The following HSBP1 variants were observed in gnomAD, a reference collection of about 807,000 sequenced individuals.
HSBP1 encodes heat shock factor binding protein 1.
Under a neutral mutation model 9.6 loss-of-function variants are expected in HSBP1, and 5 were observed. The ratio of observed to expected loss-of-function variants is 0.52; its 90% CI spans 0.27 to 1.09. The LOEUF (loss-of-function observed/expected upper bound fraction) is 1.09. Among genes scored for constraint, HSBP1 ranks in the 50% least tolerant of loss-of-function variants. HSBP1 has a pLI of 0.11. For synonymous variants in HSBP1, 42 were observed against 33.3 expected (o/e 1.26, Z -0.90); for missense variants, 121 against 96.3 (o/e 1.26, Z -1.07).
In HSBP1 at chr16:83,814,504, C is replaced by G. The variant is rs142370323; in HGVS notation, c.*3086C>G. Reference sequence around the variant, plus strand: ...TGCACCGCTCACGAGCACAGCTGACCGTCTCACAGCTGCACACCTGCACTG... The same window carrying G: ...TGCACCGCTCACGAGCACAGCTGACGGTCTCACAGCTGCACACCTGCACTG... On this transcript the variant is annotated 3_prime_UTR_variant, in exon 4 of 4. Coordinates refer to ENST00000433866, the MANE Select transcript of HSBP1 (RefSeq NM_001537.4). The G allele has an allele frequency of 1.3e-5, 2 of 152,560 alleles. No homozygotes were observed. Among genetic ancestry groups the G allele is most frequent in the South Asian group, 2.1e-4 (1 of 4,834 alleles). 9.5% of individuals were successfully genotyped at this position (152,560 alleles called of 1,614,324 possible).
At chr16:83,811,369 A>G (rs1457988769) in intron 3 of HSBP1, 52 bp from the exon 4 acceptor site, 1 of 152,246 alleles carries the variant, frequency 6.6e-6, no homozygotes, top group African/African-American at 2.4e-5. Flanking sequence ...TGTCATTTTT[A>G]CTTGTGCTCA....
rs1252925740 is a variant in HSBP1 at position 83,817,831 on chromosome 16, G to C, written c.*6413G>C. 6.6e-6 allele frequency: 1 copy of C among 152,172 alleles called. No homozygotes were observed. Among genetic ancestry groups the C allele is most frequent in the Admixed American group, 6.5e-5 (1 of 15,274 alleles). The allele number at this position is 152,172 out of a possible 1,614,324, so 9.4% of individuals were successfully genotyped here. On this transcript the variant is annotated 3_prime_UTR_variant, in exon 4 of 4. Transcript: ENST00000433866. ...AGACCATTTGACTGATTCTGCTCCAGAATCTTATTGAGGCAAAGGACTGGA... is the reference window on the plus strand; with the variant it reads ...AGACCATTTGACTGATTCTGCTCCACAATCTTATTGAGGCAAAGGACTGGA...
chr16:83,810,931 CTG>C (rs776052825), intron 3 of HSBP1, among the ~76,000 whole-genome samples: 2 of 152,312 alleles, frequency 1.3e-5, no homozygotes, highest in East Asian at 1.9e-4. Flanking sequence ...TTTTAAGTCA[CTG>C]TGAAATACAG....
intron 1 of HSBP1, chr16:83,808,394 A>T (rs1262816724): frequency 3.6e-6 from 2 of 554,912 alleles, no homozygotes; most frequent in African/African-American, 2.0e-5. Context: ...CCTACCTCTG[A>T]CACCCTCCCC....
chr16:83,808,227 C>G, intron 1 of HSBP1, 106 bp downstream of exon 1: 6 of 965,938 alleles, frequency 6.2e-6, no homozygotes, highest in South Asian at 1.6e-5. Flanking sequence ...TGGCGTCTGC[C>G]GAGGCCCCGT....
In HSBP1 at chr16:83,809,372, G is replaced by A. The variant is rs770667807; in HGVS notation, c.180G>A (p.Gly60=). ...KNIADLMTQA[G]VEELESENKI... ...TCGCGGACCTCATGACACAGGCTGGGGTGGAAGAACTGGAAAGTGAAAACA... is the reference window on the plus strand; with the variant it reads ...TCGCGGACCTCATGACACAGGCTGGAGTGGAAGAACTGGAAAGTGAAAACA... The change falls in exon 3 of 4, where the codon GGG becomes GGA. Residue 60 remains glycine (G), a synonymous_variant. Coordinates refer to ENST00000433866, the MANE Select transcript of HSBP1 (RefSeq NM_001537.4). 2.2e-5 allele frequency: 36 copies of A among 1,605,998 alleles called. 1 individual carries two copies. The South Asian group carries it at 3.9e-4, about 18-fold the overall frequency.
rs2151031546 is a variant in HSBP1, at chr16:83,813,668, T to C, written c.*2250T>C. 6.6e-6 allele frequency: 1 copy of C among 152,346 alleles called. No individual in the cohort carries two copies. The highest frequency in any genetic ancestry group is 1.9e-4 in the East Asian group (1 of 5,176). The allele number at this position is 152,346 out of a possible 1,614,324, so 9.4% of individuals were successfully genotyped here. A position where few individuals can be genotyped will look rare whatever the true frequency, so the allele number is the denominator to read the frequency against. ...AGTATTCCTTCTCCAGCTATTCTTG[T>C]TCGTTTACCAGCCAGTGAAGATTCT... On this transcript the variant is annotated 3_prime_UTR_variant, in exon 4 of 4. Transcript: ENST00000433866.
Position 83,816,703 on chromosome 16 carries a change from C to T in HSBP1, c.*5285C>T, listed in dbSNP as rs1449468754. ...GATGCTGCGTCAACACCCTACCATG[C>T]ACAGGACAACCCTCACCCCAAAGAG... is the stretch of plus-strand genomic sequence containing the variant. On this transcript the variant is annotated 3_prime_UTR_variant, in exon 4 of 4. Coordinates refer to ENST00000433866, the MANE Select transcript of HSBP1 (RefSeq NM_001537.4). 1.3e-5 allele frequency: 2 copies of T among 152,172 alleles called. No homozygotes were observed. The highest frequency in any genetic ancestry group is 6.5e-5 in the Admixed American group (1 of 15,284). 9.4% of individuals were successfully genotyped at this position (152,172 alleles called of 1,614,324 possible). A position where few individuals can be genotyped will look rare whatever the true frequency, so the allele number is the denominator to read the frequency against.
rs1411772992 is a variant in HSBP1 at position 83,819,293 on chromosome 16, G to A, written c.*7875G>A. ...AAATTCCCTCATTTATTATTTTTGT[G>A]TCTTATTTCCCATACACAAAAACAC... On this transcript the variant is annotated 3_prime_UTR_variant, in exon 4 of 4. Coordinates refer to ENST00000433866, the MANE Select transcript of HSBP1 (RefSeq NM_001537.4). 6.6e-6 allele frequency: 1 copy of A among 152,092 alleles called. No individual in the cohort carries two copies. 9.4% of individuals were successfully genotyped at this position (152,092 alleles called of 1,614,324 possible). A position where few individuals can be genotyped will look rare whatever the true frequency, so the allele number is the denominator to read the frequency against.
At chr16:83,809,457 CTTTTCTTTTTTTT>C in intron 3 of HSBP1, 32 bp downstream of exon 3, 1 of 645,778 alleles carries the variant, frequency 1.5e-6, no homozygotes, top group East Asian at 3.3e-5. Flanking sequence ...TTTTTCTTTT[CTTTTCTTTTTTTT>C]TTTTTTTTTT....
At chr16:83,808,653 G>GTGTT (rs772447979) in intron 1 of HSBP1, 27 bp from the exon 2 acceptor site, 101 of 1,592,028 alleles carry the variant, frequency 6.3e-5, no homozygotes, top group East Asian at 9.0e-5. Flanking sequence ...GATGTGGACC[G>GTGTT]TGTTTGTTTG....
intron 2 of HSBP1, 48 bp from the exon 3 acceptor site, chr16:83,809,257 A>G (rs1481466437): frequency 8.3e-7 from 1 of 1,198,402 alleles, no homozygotes; most frequent in Non-Finnish European, 1.2e-6. Context: ...GGACGGGAGG[A>G]AAAAGGCTCA....
intron 3 of HSBP1, 48 bp from the exon 4 acceptor site, chr16:83,811,373 G>A (rs1567608269): frequency 6.6e-6 from 1 of 152,220 alleles, no homozygotes. Context: ...ATTTTTACTT[G>A]TGCTCATATA....
At chr16:83,809,550 C>T (rs1182212453) in intron 3 of HSBP1, 125 bp downstream of exon 3, 7 of 563,490 alleles carry the variant, frequency 1.2e-5, no homozygotes, top group Middle Eastern at 4.9e-4. Context: ...CTCCCTGCAA[C>T]CTTTGCCCTC....
In HSBP1 at chr16:83,813,211, T is replaced by C. The variant is rs1185678010; in HGVS notation, c.*1793T>C. On this transcript the variant is annotated 3_prime_UTR_variant, in exon 4 of 4. Coordinates refer to ENST00000433866, the MANE Select transcript of HSBP1 (RefSeq NM_001537.4). The stretch of plus-strand genomic sequence containing the variant: ...CATTGCAGGAGACTTGTCTCAGGTG[T>C]GTTCCCAGAACTCTTGCCCCTGGAG... 6.6e-6 allele frequency: 1 copy of C among 152,256 alleles called. No individual in the cohort carries two copies. Among genetic ancestry groups the C allele is most frequent in the Non-Finnish European group, 1.5e-5 (1 of 68,086 alleles). 9.4% of individuals were successfully genotyped at this position (152,256 alleles called of 1,614,324 possible).
Position 83,819,653 on chromosome 16 carries a change from A to G in HSBP1, c.*8235A>G, listed in dbSNP as rs1032569745. On this transcript the variant is annotated 3_prime_UTR_variant, in exon 4 of 4. Coordinates refer to ENST00000433866, the MANE Select transcript of HSBP1 (RefSeq NM_001537.4). ...TCCTGAGTGTTTCGGTTGATTAAAA[A>G]GCTTTTAAAGAGCATAGTAAATATT... 6.6e-6 allele frequency: 1 copy of G among 152,258 alleles called. No individual in the cohort carries two copies. The highest frequency in any genetic ancestry group is 1.5e-5 in the Non-Finnish European group (1 of 68,054). 9.4% of individuals were successfully genotyped at this position (152,258 alleles called of 1,614,324 possible). A position where few individuals can be genotyped will look rare whatever the true frequency, so the allele number is the denominator to read the frequency against.
Position 83,811,629 on chromosome 16 carries a change from A to G in HSBP1, c.*211A>G, listed in dbSNP as rs147680116. On this transcript the variant is annotated 3_prime_UTR_variant, in exon 4 of 4. Transcript: ENST00000433866. Reference sequence around the variant, plus strand: ...ATCTTGGACCTTGGTCAGTTGTGCTATTCATTATTAAACACTAAAACTTTG... The same window carrying G: ...ATCTTGGACCTTGGTCAGTTGTGCTGTTCATTATTAAACACTAAAACTTTG... 2.0e-5 allele frequency: 3 copies of G among 152,348 alleles called. No individual in the cohort carries two copies. Among genetic ancestry groups the G allele is most frequent in the African/African-American group, 7.2e-5 (3 of 41,580 alleles). 9.4% of individuals were successfully genotyped at this position (152,348 alleles called of 1,614,324 possible). A position where few individuals can be genotyped will look rare whatever the true frequency, so the allele number is the denominator to read the frequency against.
intron 1 of HSBP1, 122 bp from the exon 2 acceptor site, chr16:83,808,558 C>T (rs1904517721): frequency 1.4e-6 from 1 of 693,414 alleles, no homozygotes. Context: ...TTGCTGAAGG[C>T]CGCACAGCTG....
At position 83,817,346 on chromosome 16, in the gene HSBP1, T is replaced by G. The variant is rs937884627; in HGVS notation, c.*5928T>G. 2.0e-5 allele frequency: 3 copies of G among 152,362 alleles called. No individual in the cohort carries two copies. The South Asian group carries it at 6.2e-4, about 32-fold the overall frequency. 9.4% of individuals were successfully genotyped at this position (152,362 alleles called of 1,614,324 possible). ...GCCCCAACAATTTGTGTCCCAACTG[T>G]TTGAATCAAAGGATTTCTGATTCCC... is the stretch of plus-strand genomic sequence containing the variant. On this transcript the variant is annotated 3_prime_UTR_variant, in exon 4 of 4. Transcript: ENST00000433866.
Sources: allele counts gnomAD v4.1 joint callset (sites outside exome capture counted in the v4.1 genomes callset), GRCh38; gene constraint gnomAD v4.1.1; transcripts MANE v1.5; gene names NCBI Gene and HGNC (gene_info 2026-07-23, HGNC 2026-07-21).